The following ST8SIA1 variants were observed in gnomAD, a reference collection of about 807,000 sequenced individuals.
ST8SIA1 encodes the protein ST8 alpha-N-acetyl-neuraminide alpha-2,8-sialyltransferase 1, also known as alpha-N-acetylneuraminide alpha-2,8-sialyltransferase.
Under a neutral mutation model 35.9 loss-of-function variants are expected in ST8SIA1, and 16 were observed. The ratio of observed to expected loss-of-function variants is 0.45; its 90% CI spans 0.30 to 0.68. The LOEUF is 0.68. Among genes scored for constraint, ST8SIA1 ranks in the 30% least tolerant of loss-of-function variants. The pLI, the probability that ST8SIA1 is intolerant of heterozygous loss-of-function variation, is 0.09. For synonymous variants in ST8SIA1, 170 were observed against 169.6 expected (o/e 1.00, Z -0.02); for missense variants, 383 against 453.6 (o/e 0.84, Z 1.41).
At chr12:22,212,088 A>G (rs1591824918) in intron 4 of ST8SIA1, among the ~76,000 whole-genome samples, 1 of 152,158 alleles carries the variant, frequency 6.6e-6, no homozygotes, top group East Asian at 1.9e-4. Context: ...TAATATTCTT[A>G]TAATGTTGTC....
intron 4 of ST8SIA1, among the ~76,000 whole-genome samples, chr12:22,219,469 G>A (rs997953955): frequency 6.6e-6 from 1 of 152,134 alleles, no homozygotes; most frequent in Non-Finnish European, 1.5e-5. Context: ...ATAGGGTGGA[G>A]GCGAGGGCAC....
chr12:22,326,069 C>A, intron 1 of ST8SIA1: 2 of 478,502 alleles, frequency 4.2e-6, no homozygotes, highest in Non-Finnish European at 3.7e-6. Flanking sequence ...TATTTTTGGA[C>A]CAAATTAACC....
chr12:22,237,991 T>G (rs1212100740), intron 4 of ST8SIA1, among the ~76,000 whole-genome samples: 1 of 152,126 alleles, frequency 6.6e-6, no homozygotes, highest in Non-Finnish European at 1.5e-5. Context: ...TTTAAATTGA[T>G]GCTGTAATGG....
rs548769879 is a variant in ST8SIA1 at position 22,199,521 on chromosome 12, T to C, written c.*2031A>G. ...GTGAATATTTAACACAATTTCTTCA[T>C]GGTACATTCTCATTATGTTTTTGCT... On this transcript the variant is annotated 3_prime_UTR_variant, in exon 5 of 5. Transcript: ENST00000396037. 6.6e-6 allele frequency: 1 copy of C among 152,314 alleles called. No homozygotes were observed. Among genetic ancestry groups the C allele is most frequent in the African/African-American group, 2.4e-5 (1 of 41,572 alleles). The allele number at this position is 152,314 out of a possible 1,614,324, so 9.4% of individuals were successfully genotyped here. A position where few individuals can be genotyped will look rare whatever the true frequency, so the allele number is the denominator to read the frequency against.
intron 1 of ST8SIA1, among the ~76,000 whole-genome samples, chr12:22,309,032 A>T (rs535550143): frequency 5.3e-4 from 81 of 152,310 alleles, no homozygotes; most frequent in Non-Finnish European, 9.0e-4. Context: ...TAAAAGAGAT[A>T]CAAAAGAGAA....
chr12:22,286,357 C>T (rs1168063132), intron 2 of ST8SIA1: 5 of 491,574 alleles, frequency 1.0e-5, no homozygotes, highest in South Asian at 6.1e-5. Context: ...AACAGAGACA[C>T]ATGAAAGATT....
At chr12:22,245,846 C>T (rs116948826) in intron 4 of ST8SIA1, among the ~76,000 whole-genome samples, 2,587 of 152,244 alleles carry the variant, frequency 0.017, 54 homozygotes, top group Admixed American at 0.068. Context: ...TCATCAATCA[C>T]GCCTGCTAAT....
intron 1 of ST8SIA1, among the ~76,000 whole-genome samples, chr12:22,329,878 C>G (rs1866736975): frequency 6.6e-6 from 1 of 152,204 alleles, no homozygotes; most frequent in Non-Finnish European, 1.5e-5. Flanking sequence ...ACTTCCCAAA[C>G]CCACTGGTAA....
At chr12:22,216,940 A>G (rs949810541) in intron 4 of ST8SIA1, among the ~76,000 whole-genome samples, 2 of 152,218 alleles carry the variant, frequency 1.3e-5, no homozygotes, top group Non-Finnish European at 2.9e-5. Flanking sequence ...AACATTTTCT[A>G]TCACTGGCTT....
intron 1 of ST8SIA1, among the ~76,000 whole-genome samples, chr12:22,332,448 G>A (rs1866779774): frequency 1.3e-5 from 2 of 152,206 alleles, no homozygotes; most frequent in South Asian, 4.1e-4. Flanking sequence ...AAACCAATGG[G>A]AAGTTCTTAA....
chr12:22,250,619 GC>G (rs966484941), intron 3 of ST8SIA1: 5 of 151,976 alleles, frequency 3.3e-5, no homozygotes, highest in African/African-American at 1.2e-4. Flanking sequence ...TACAAATATT[GC>G]AGTCTCTGCT....
intron 4 of ST8SIA1, among the ~76,000 whole-genome samples, chr12:22,205,496 C>A (rs933430170): frequency 3.3e-5 from 5 of 151,870 alleles, no homozygotes; most frequent in African/African-American, 9.7e-5. Flanking sequence ...GGGACAAAAC[C>A]AATAAGATTT....
At chr12:22,325,673 A>G in intron 1 of ST8SIA1, 1 of 609,916 alleles carries the variant, frequency 1.6e-6, no homozygotes, top group East Asian at 2.8e-5. Context: ...CAAGCCCTAT[A>G]TACCGTTTTT....
intron 1 of ST8SIA1, among the ~76,000 whole-genome samples, chr12:22,314,791 G>T (rs1373610741): frequency 2.6e-5 from 4 of 152,008 alleles, no homozygotes; most frequent in East Asian, 3.9e-4. Context: ...GGCTCCAGGC[G>T]TACTTCTCCC....
At chr12:22,285,144 C>G (rs139097543) in intron 2 of ST8SIA1, among the ~76,000 whole-genome samples, 1 of 152,234 alleles carries the variant, frequency 6.6e-6, no homozygotes, top group Non-Finnish European at 1.5e-5. Flanking sequence ...TCCTGGACTT[C>G]TTCGCAACTA....
chr12:22,245,478 G>A (rs1565576453), intron 4 of ST8SIA1, among the ~76,000 whole-genome samples: 1 of 152,170 alleles, frequency 6.6e-6, no homozygotes, highest in Non-Finnish European at 1.5e-5. Flanking sequence ...TTTTTAAAAT[G>A]AAGAAACTTT....
At chr12:22,292,162 T>C (rs1159803398) in intron 1 of ST8SIA1, among the ~76,000 whole-genome samples, 1 of 152,152 alleles carries the variant, frequency 6.6e-6, no homozygotes, top group Non-Finnish European at 1.5e-5. Flanking sequence ...CACATCTTGT[T>C]ATGAAGAACT....
At chr12:22,263,388 C>T (rs2135801551) in intron 2 of ST8SIA1, among the ~76,000 whole-genome samples, 1 of 152,230 alleles carries the variant, frequency 6.6e-6, no homozygotes, top group Non-Finnish European at 1.5e-5. Context: ...TCTGCCACTC[C>T]CTAGTTCCTC....
At chr12:22,317,730 A>G (rs1256069459) in intron 1 of ST8SIA1, among the ~76,000 whole-genome samples, 2 of 152,210 alleles carry the variant, frequency 1.3e-5, no homozygotes, top group South Asian at 2.1e-4. Context: ...CATCTCTTCC[A>G]TAGTATCCTA....
Sources: allele counts gnomAD v4.1 joint callset (sites outside exome capture counted in the v4.1 genomes callset), GRCh38; gene constraint gnomAD v4.1.1; transcripts MANE v1.5; gene names NCBI Gene and HGNC (gene_info 2026-07-23, HGNC 2026-07-21).